Variants in MACROD1 observed in about 807,000 individuals in gnomAD.
MACROD1 encodes ADP-ribose glycohydrolase MACROD1.
A neutral mutation model predicts 41.4 loss-of-function variants in MACROD1; 31 were observed. The observed-to-expected ratio is 0.75, with a 90% CI of 0.56 to 1.01. The LOEUF is 1.01. MACROD1 is among the 50% of genes least tolerant of loss of function. The pLI is 0.00. For synonymous variants in MACROD1, 252 were observed against 203.4 expected (o/e 1.24, Z -2.03); for missense variants, 473 against 460.0 (o/e 1.03, Z -0.26).
At chr11:64,077,810 G>A (rs536412401) in intron 3 of MACROD1, among the ~76,000 whole-genome samples, 56 of 152,344 alleles carry the variant, frequency 3.7e-4, no homozygotes, top group Admixed American at 2.4e-3. Context: ...GCCGCCGCTC[G>A]GACATTTGGG....
At position 64,067,639 on chromosome 11, in the gene MACROD1, A is replaced by T. The variant is rs1006489186; in HGVS notation, c.518-52358T>A. Among the ~76,000 whole-genome samples the T allele has an allele frequency of 6.6e-5, 10 of 152,256 alleles. No homozygotes were observed. The highest frequency in any genetic ancestry group is 2.4e-4 in the African/African-American group (10 of 41,550). On this transcript the variant is annotated intron_variant, in intron 3 of 10. Coordinates refer to ENST00000255681, the MANE Select transcript of MACROD1 (RefSeq NM_014067.4). This position sits in a 1 kb window ranked among gnomAD's most constrained non-coding sequence, Gnocchi z 4.6. ...AACATGCCCGTGGCCTCCGGTGCAC[A>T]CACAGGGTCCCCAAGCAGGCAGCTG...
At chr11:64,130,831 T>A (rs1329792034) in intron 3 of MACROD1, among the ~76,000 whole-genome samples, 1 of 152,160 alleles carries the variant, frequency 6.6e-6, no homozygotes, top group African/African-American at 2.4e-5. Context: ...TCTGGAGTGC[T>A]AACTGACAGC....
chr11:64,006,358 C>T (rs1418187683), intron 4 of MACROD1, among the ~76,000 whole-genome samples: 4 of 152,206 alleles, frequency 2.6e-5, no homozygotes, highest in Non-Finnish European at 4.4e-5. Flanking sequence ...TAGCCAGCCC[C>T]GGCTCTGTGC....
chr11:64,148,613 A>T, intron 3 of MACROD1: 1 of 537,356 alleles, frequency 1.9e-6, no homozygotes, highest in Non-Finnish European at 2.4e-6. Context: ...ATTCACGGCT[A>T]ATGATTATAA....
intron 1 of MACROD1, among the ~76,000 whole-genome samples, chr11:64,156,059 G>A (rs555135949): frequency 7.3e-6 from 1 of 136,754 alleles, no homozygotes; most frequent in Admixed American, 8.5e-5. Context: ...GGTGAGCTGA[G>A]ATCACACCAT....
chr11:64,092,367 T>G (rs1386802849), intron 3 of MACROD1, among the ~76,000 whole-genome samples: 1 of 152,010 alleles, frequency 6.6e-6, no homozygotes, highest in African/African-American at 2.4e-5. Flanking sequence ...AGGAAAGAGG[T>G]GCTGGGCCTG....
chr11:64,066,367 C>T (rs901697591), intron 3 of MACROD1, among the ~76,000 whole-genome samples: 1 of 149,508 alleles, frequency 6.7e-6, no homozygotes, highest in Non-Finnish European at 1.5e-5. Flanking sequence ...AGTCCCAGCA[C>T]TTTAGGAGGC....
At chr11:64,118,262 C>A in intron 3 of MACROD1, 1 of 1,592,442 alleles carries the variant, frequency 6.3e-7, no homozygotes, top group Non-Finnish European at 8.6e-7. Context: ...GGGACGGCGG[C>A]ATCCCCGACA....
chr11:64,159,744 A>C (rs934867703), intron 1 of MACROD1, among the ~76,000 whole-genome samples: 1 of 152,122 alleles, frequency 6.6e-6, no homozygotes, highest in East Asian at 1.9e-4. Flanking sequence ...TGGTGAGCCG[A>C]GATTGCGCCA....
At chr11:64,137,254 C>A (rs1046712483) in intron 3 of MACROD1, among the ~76,000 whole-genome samples, 1 of 152,260 alleles carries the variant, frequency 6.6e-6, no homozygotes, top group Middle Eastern at 3.4e-3. Flanking sequence ...GGGGAGTCGA[C>A]AGTGACAAAT....
At chr11:64,151,895 G>A (rs1227993105) in intron 2 of MACROD1, among the ~76,000 whole-genome samples, 3 of 152,178 alleles carry the variant, frequency 2.0e-5, no homozygotes, top group South Asian at 2.1e-4. Flanking sequence ...TTGGGAGGCC[G>A]TGGCGGGCAG....
intron 2 of MACROD1, 114 bp downstream of exon 2, chr11:64,152,178 G>A: frequency 1.3e-6 from 1 of 779,586 alleles, no homozygotes; most frequent in South Asian, 1.5e-5. Flanking sequence ...CGGAGCACCT[G>A]CCTGCAGCAA....
At chr11:64,074,317 T>G (rs751627540) in intron 3 of MACROD1, among the ~76,000 whole-genome samples, 2 of 152,214 alleles carry the variant, frequency 1.3e-5, no homozygotes, top group African/African-American at 4.8e-5. Context: ...CGAGCTCCTA[T>G]GCATTCTGCA....
intron 3 of MACROD1, among the ~76,000 whole-genome samples, chr11:64,028,772 G>T (rs1484020249): frequency 1.3e-5 from 2 of 152,262 alleles, no homozygotes; most frequent in East Asian, 3.9e-4. Context: ...TGGCTGCTGG[G>T]GGCACCTGTG....
At chr11:64,093,117 C>G (rs1944519346) in intron 3 of MACROD1, among the ~76,000 whole-genome samples, 1 of 152,168 alleles carries the variant, frequency 6.6e-6, no homozygotes. Flanking sequence ...TCCTGAATAT[C>G]TGTTTTCTCA....
chr11:64,023,015 C>T (rs1943178474), intron 3 of MACROD1, among the ~76,000 whole-genome samples: 1 of 152,042 alleles, frequency 6.6e-6, no homozygotes, highest in Admixed American at 6.5e-5. Context: ...GCATGTGCCA[C>T]CACGCCGGGC....
intron 3 of MACROD1, among the ~76,000 whole-genome samples, chr11:64,057,426 C>T (rs1943810248): frequency 6.6e-6 from 1 of 152,188 alleles, no homozygotes; most frequent in African/African-American, 2.4e-5. Flanking sequence ...CCAGCTCATG[C>T]CAGTTCTGAG....
At chr11:64,017,835 C>T (rs1187706254) in intron 3 of MACROD1, among the ~76,000 whole-genome samples, 1 of 152,204 alleles carries the variant, frequency 6.6e-6, no homozygotes, top group East Asian at 1.9e-4. Context: ...AATGAGCTGG[C>T]TCCTGCTCAA....
chr11:64,158,366 T>C (rs1945701574), intron 1 of MACROD1, among the ~76,000 whole-genome samples: 1 of 152,142 alleles, frequency 6.6e-6, no homozygotes. Flanking sequence ...CTGGGACCCA[T>C]TCTGGGCCAT....
Sources: gnomAD v4.1 joint callset for allele counts (sites outside exome capture counted in the v4.1 genomes callset) on GRCh38, gnomAD v4.1.1 for gene constraint, Gnocchi (gnomAD v3.1) non-coding constraint, MANE v1.5 for transcripts, NCBI Gene and HGNC (gene_info 2026-07-23, HGNC 2026-07-21) for gene names.